The following GNG4 variants were observed in gnomAD, a reference collection of about 807,000 sequenced individuals.
The protein encoded by GNG4 is G protein subunit gamma 4.
In GNG4, 4 loss-of-function variants were observed where a neutral mutation model predicts 5.8. That is an observed-to-expected ratio of 0.69 (90% CI 0.34 to 1.57). GNG4 has a LOEUF of 1.57. GNG4 is among the 40% of genes most tolerant of loss of function. The pLI is 0.06. For missense variants in GNG4, 96 were observed against 95.1 expected, an observed-to-expected ratio of 1.01 and a Z score of -0.04; for synonymous variants, 29 against 32.9, an observed-to-expected ratio of 0.88 and a Z score of 0.41.
At chr1:235,596,252 A>ACACACACACACACACACACC (rs1244930889) in intron 1 of GNG4, among the ~76,000 whole-genome samples, 1 of 117,604 alleles carries the variant, frequency 8.5e-6, no homozygotes, top group African/African-American at 3.4e-5. Flanking sequence ...ACACACACAC[A>ACACACACACACACACACACC]CCTGGCCGGG....
chr1:235,584,094 G>A (rs1399402929), intron 2 of GNG4, among the ~76,000 whole-genome samples: 1 of 152,054 alleles, frequency 6.6e-6, no homozygotes, highest in Non-Finnish European at 1.5e-5. Flanking sequence ...AGAACAGAAG[G>A]TTCCAGAATG....
intron 2 of GNG4, among the ~76,000 whole-genome samples, chr1:235,591,485 C>T (rs1687961877): frequency 6.6e-6 from 1 of 152,214 alleles, no homozygotes; most frequent in Non-Finnish European, 1.5e-5. Context: ...TTCGGAGGTC[C>T]TGCTTCCCCT....
intron 1 of GNG4, among the ~76,000 whole-genome samples, chr1:235,621,050 C>G (rs986785086): frequency 6.6e-6 from 1 of 151,900 alleles, no homozygotes; most frequent in Non-Finnish European, 1.5e-5. Context: ...GCAGGCTGCC[C>G]CTGTCCTTGC....
intron 2 of GNG4, among the ~76,000 whole-genome samples, chr1:235,591,941 C>T (rs1687973963): frequency 6.6e-6 from 1 of 152,174 alleles, no homozygotes; most frequent in Non-Finnish European, 1.5e-5. Context: ...TGAGTTCCTT[C>T]AAGGGAAATT....
At chr1:235,570,394 C>CTTTTT (rs11459490) in intron 3 of GNG4, among the ~76,000 whole-genome samples, 21 of 105,502 alleles carry the variant, frequency 2.0e-4, no homozygotes, top group African/African-American at 3.0e-4. Context: ...TTCACCTCTT[C>CTTTTT]TTTTTTTTTT....
intron 1 of GNG4, among the ~76,000 whole-genome samples, chr1:235,596,212 ACACACACACACAC>A (rs1558490843): frequency 9.5e-5 from 10 of 105,450 alleles, no homozygotes; most frequent in African/African-American, 8.0e-4. Context: ...AACAAAATAC[ACACACACACACAC>A]ACACACACAC....
rs59428350 is a variant in GNG4 at position 235,622,873 on chromosome 1, C to CAAAAAA, written c.-123+26783_-123+26788dup. On this transcript the variant is annotated intron_variant, in intron 1 of 3. Transcript: ENST00000391854. The stretch of plus-strand genomic sequence containing the variant: ...CTGGTGACAGAGTAAGACTCCATCT[C>CAAAAAA]AAAAAAAAAAAAAAAAAATAGCCAG... Among the ~76,000 whole-genome samples, 15 of 66,652 alleles carry CAAAAAA rather than the reference C, an allele frequency of 2.3e-4. 1 individual carries two copies. The highest frequency in any genetic ancestry group is 3.0e-4 in the Non-Finnish European group (12 of 40,540). 43.7% of individuals were successfully genotyped at this position (66,652 alleles called of 152,430 possible). A position where few individuals can be genotyped will look rare whatever the true frequency, so the allele number is the denominator to read the frequency against.
chr1:235,552,301 A>G (rs400948), intron 3 of GNG4, 64 bp from the exon 4 acceptor site: 801,731 of 1,500,252 alleles, frequency 0.53, 218,832 homozygotes, highest in East Asian at 0.83. Context: ...TCCAGGGAAG[A>G]GGTGTCCACG....
chr1:235,571,175 A>G (rs754512400), intron 3 of GNG4, among the ~76,000 whole-genome samples: 9 of 152,172 alleles, frequency 5.9e-5, no homozygotes, highest in Non-Finnish European at 1.2e-4. Context: ...GAAGAATTTA[A>G]CATACAAAAT....
chr1:235,647,416 G>A (rs1657539327), intron 1 of GNG4, among the ~76,000 whole-genome samples: 1 of 145,270 alleles, frequency 6.9e-6, no homozygotes, highest in Admixed American at 7.0e-5. Context: ...AGCAGAAACT[G>A]AGACAAACTA....
chr1:235,573,283 T>C (rs1687389783), intron 3 of GNG4, among the ~76,000 whole-genome samples: 1 of 134,104 alleles, frequency 7.5e-6, no homozygotes, highest in Non-Finnish European at 1.5e-5. Context: ...ACAATATCGC[T>C]TGGGCACAGG....
intron 2 of GNG4, 148 bp from the exon 3 acceptor site, chr1:235,583,996 G>A (rs1687705311): frequency 2.0e-6 from 1 of 491,950 alleles, no homozygotes; most frequent in African/African-American, 2.0e-5. Context: ...CCTGGGATAA[G>A]AGAAAGGAAT....
chr1:235,563,293 C>T (rs369410210), intron 3 of GNG4, among the ~76,000 whole-genome samples: 3 of 150,606 alleles, frequency 2.0e-5, no homozygotes, highest in African/African-American at 7.3e-5. Context: ...CGTAGCGGTG[C>T]GCACCTGTAG....
At chr1:235,602,265 C>G (rs532549879) in intron 1 of GNG4, among the ~76,000 whole-genome samples, 1 of 152,042 alleles carries the variant, frequency 6.6e-6, no homozygotes, top group Admixed American at 6.6e-5. Flanking sequence ...GAGCGAGACC[C>G]GATCTCAACA....
intron 2 of GNG4, among the ~76,000 whole-genome samples, chr1:235,590,564 G>A (rs964029684): frequency 3.3e-5 from 5 of 152,176 alleles, no homozygotes; most frequent in Admixed American, 3.3e-4. Flanking sequence ...GGAGCACTGG[G>A]TAAACAGGCC....
In GNG4 at chr1:235,577,315, AC is replaced by A. The variant is rs553847901; in HGVS notation, c.99+6424del. 4.6e-3 allele frequency among the ~76,000 whole-genome samples: 698 copies of A among 151,798 alleles called. 7 individuals carry two copies. Among genetic ancestry groups the A allele is most frequent in the African/African-American group, 0.016 (676 of 41,328 alleles). On this transcript the variant is annotated intron_variant, in intron 3 of 3. Transcript: ENST00000391854. ...GGAGTTGCCACGATTCCTACCATGG[AC>A]CCTCCAGCTGGTTCCCATGCAGCCT...
chr1:235,590,522 A>G (rs955205489), intron 2 of GNG4, among the ~76,000 whole-genome samples: 8 of 152,088 alleles, frequency 5.3e-5, no homozygotes, highest in African/African-American at 1.9e-4. Flanking sequence ...AAAGGAAGAG[A>G]TTCTAATGTA....
At chr1:235,639,533 T>C (rs1353522037) in intron 1 of GNG4, among the ~76,000 whole-genome samples, 1 of 142,638 alleles carries the variant, frequency 7.0e-6, no homozygotes, top group Non-Finnish European at 1.6e-5. Context: ...GAGCTTTTCT[T>C]AATTCCGTGT....
At chr1:235,603,964 C>T (rs1688306158) in intron 1 of GNG4, among the ~76,000 whole-genome samples, 1 of 152,292 alleles carries the variant, frequency 6.6e-6, no homozygotes, top group East Asian at 1.9e-4. Context: ...CCGTGGGACC[C>T]TTCACGCTAT....
Sources: gnomAD v4.1 joint callset for allele counts (sites outside exome capture counted in the v4.1 genomes callset) on GRCh38, gnomAD v4.1.1 for gene constraint, MANE v1.5 for transcripts, NCBI Gene and HGNC (gene_info 2026-07-23, HGNC 2026-07-21) for gene names.